The following DNAJC16 variants were observed in gnomAD, a reference collection of about 807,000 sequenced individuals.
The protein encoded by DNAJC16 is dnaJ homolog subfamily C member 16.
DNAJC16 carries 76 observed loss-of-function variants against 92.7 expected under a neutral mutation model. That is an observed-to-expected ratio of 0.82 (90% confidence interval 0.68 to 0.99). DNAJC16 has a LOEUF of 0.99. Among genes scored for constraint, DNAJC16 ranks in the 50% least tolerant of loss-of-function variants. The pLI, the probability that DNAJC16 is intolerant of heterozygous loss-of-function variation, is 0.00. For missense variants in DNAJC16, 869 were observed against 942.4 expected (o/e 0.92, Z 1.02); for synonymous variants, 328 against 358.7 (o/e 0.91, Z 0.97).
At chr1:15,558,171 C>CTT (rs1184997158) in intron 7 of DNAJC16, among the ~76,000 whole-genome samples, 183 of 117,782 alleles carry the variant, frequency 1.6e-3, no homozygotes, top group African/African-American at 5.2e-3. Context: ...ATACCCAGCC[C>CTT]TTTTTTTTTT....
Position 15,536,803 on chromosome 1 carries a change from T to A in DNAJC16, c.563T>A (p.Leu188Gln), listed in dbSNP as rs753437690. 1 of 1,596,450 alleles carries A rather than the reference T, an allele frequency of 6.3e-7. No individual in the cohort carries two copies. The highest frequency in any genetic ancestry group is 2.2e-5 in the East Asian group (1 of 44,728). The change falls in exon 4 of 15, where the codon CTG becomes CAG. Residue 188 changes from leucine (L) to glutamine (Q), a missense_variant. Transcript: ENST00000375847. ...EPVWKEVIQE[L>Q]EELGVGIGVV... ...GTGTGGAAAGAAGTCATTCAAGAAC[T>A]GGAAGAATTGGGTAAGATAATTTTA... is the stretch of plus-strand genomic sequence containing the variant.
chr1:15,551,243 T>G (rs901320679), intron 7 of DNAJC16, among the ~76,000 whole-genome samples: 4 of 152,344 alleles, frequency 2.6e-5, no homozygotes, highest in African/African-American at 9.6e-5. Flanking sequence ...GCATGTCTTT[T>G]TGATGGATTT....
intron 4 of DNAJC16, among the ~76,000 whole-genome samples, chr1:15,540,543 GTCACCCTGGGACT>G (rs1710909896): frequency 6.6e-6 from 1 of 152,030 alleles, no homozygotes; most frequent in Non-Finnish European, 1.5e-5. Context: ...TGCCAACTCT[GTCACCCTGGGACT>G]TCACCTCTCC....
chr1:15,554,796 A>G (rs1032417640), intron 7 of DNAJC16, among the ~76,000 whole-genome samples: 1 of 152,162 alleles, frequency 6.6e-6, no homozygotes, highest in Non-Finnish European at 1.5e-5. Flanking sequence ...AGGCAAAGCT[A>G]TACGGCTTTT....
intron 7 of DNAJC16, among the ~76,000 whole-genome samples, chr1:15,556,029 G>T (rs1638563217): frequency 6.6e-6 from 1 of 150,550 alleles, no homozygotes; most frequent in Non-Finnish European, 1.5e-5. Context: ...GGAGCCGGGT[G>T]CAGTGGCTCA....
intron 14 of DNAJC16, 49 bp from the exon 15 acceptor site, chr1:15,567,729 T>C (rs1638851826): frequency 1.3e-6 from 2 of 1,549,960 alleles, no homozygotes; most frequent in East Asian, 4.5e-5. Context: ...TCTCAGCAAT[T>C]AAATGTGTCA....
In DNAJC16 at chr1:15,567,085, A is replaced by G. The variant is rs772719957; in HGVS notation, c.1779-14A>G. The stretch of plus-strand genomic sequence containing the variant: ...ATCCTGACAGCATCTTAACTCCTCA[A>G]TATTTCTCCACAGCAAGATTCCTAA... On this transcript the variant is annotated splice_polypyrimidine_tract_variant and intron_variant, in intron 13 of 14. Coordinates refer to ENST00000375847, the MANE Select transcript of DNAJC16 (RefSeq NM_015291.4). 29 of 1,603,460 alleles carry G rather than the reference A, an allele frequency of 1.8e-5. No individual in the cohort carries two copies. The highest frequency in any genetic ancestry group is 6.7e-5 in the East Asian group (3 of 44,548).
chr1:15,538,371 GGTGACAGAGCGAGACT>G (rs1710843493), intron 4 of DNAJC16, among the ~76,000 whole-genome samples: 1 of 151,664 alleles, frequency 6.6e-6, no homozygotes, highest in African/African-American at 2.4e-5. Flanking sequence ...CTCCAGCCTG[GGTGACAGAGCGAGACT>G]CTGTCTCAAG....
At chr1:15,539,243 AT>A (rs59004062) in intron 4 of DNAJC16, among the ~76,000 whole-genome samples, 42,728 of 148,110 alleles carry the variant, frequency 0.29, 7,006 homozygotes, top group African/African-American at 0.45. Context: ...TTTTTATTTT[AT>A]TTTTTTTTTT....
rs143181852 is a variant in DNAJC16 at position 15,567,869 on chromosome 1, A to G, written c.2041A>G (p.Ile681Val). Residue 681 changes from isoleucine to valine, a missense_variant, in exon 15 of 15, where the codon ATC becomes GTC. Coordinates refer to ENST00000375847, the MANE Select transcript of DNAJC16 (RefSeq NM_015291.4). The stretch of plus-strand genomic sequence containing the variant: ...AGAATTTGCTCAAGATGCAGCTCCA[A>G]TCCCAAACCAATATGATAAGCATTT... ...LLEFAQDAAP[I>V]PNQYDKHFME... 44 of 1,614,250 alleles carry G rather than the reference A, an allele frequency of 2.7e-5. No individual in the cohort carries two copies. In the African/African-American group the frequency reaches 5.3e-4, roughly 20 times the overall value.
chr1:15,571,299 A>C lies in DNAJC16; in HGVS notation c.*3122A>C, dbSNP rs935956357. On this transcript the variant is annotated 3_prime_UTR_variant, in exon 15 of 15. Transcript: ENST00000375847. Reference sequence around the variant, plus strand: ...TACATAAATATTTTTCTGTTATAAAAAGAAGTGTGATCTGTTTTTTTAGTG... The same window carrying C: ...TACATAAATATTTTTCTGTTATAAACAGAAGTGTGATCTGTTTTTTTAGTG... 1 of 152,314 alleles carries C rather than the reference A, an allele frequency of 6.6e-6. No individual in the cohort carries two copies. 9.4% of individuals were successfully genotyped at this position (152,314 alleles called of 1,614,324 possible). A position where few individuals can be genotyped will look rare whatever the true frequency, so the allele number is the denominator to read the frequency against.
rs184330229 is a variant in DNAJC16, at chr1:15,563,272, T to A, written c.1339-657T>A. 3.6e-3 allele frequency among the ~76,000 whole-genome samples: 553 copies of A among 152,242 alleles called. 1 individual carries two copies. The highest frequency in any genetic ancestry group is 6.0e-3 in the Non-Finnish European group (409 of 68,008). Reference sequence around the variant, plus strand: ...GGCCGAACGCGGTGGCTCACACCTATAATCCCAGCACTTTGGGAGGCCGAG... The same window carrying A: ...GGCCGAACGCGGTGGCTCACACCTAAAATCCCAGCACTTTGGGAGGCCGAG... On this transcript the variant is annotated intron_variant, in intron 9 of 14. Transcript: ENST00000375847.
At chr1:15,562,360 T>C (rs1638710926) in intron 9 of DNAJC16, 35 bp downstream of exon 9, 1 of 1,561,646 alleles carries the variant, frequency 6.4e-7, no homozygotes, top group South Asian at 1.2e-5. Flanking sequence ...CCCAGGCTCT[T>C]CATAACCATG....
chr1:15,540,775 G>A (rs530456160), intron 4 of DNAJC16, among the ~76,000 whole-genome samples: 2 of 152,204 alleles, frequency 1.3e-5, no homozygotes, highest in African/African-American at 4.8e-5. Context: ...GTGTGCGCTC[G>A]GTCTGGTATA....
intron 5 of DNAJC16, 87 bp from the exon 6 acceptor site, chr1:15,546,680 C>T: frequency 9.4e-7 from 1 of 1,066,722 alleles, no homozygotes; most frequent in Non-Finnish European, 1.4e-6. Context: ...TTTACACTTA[C>T]TTGATTTGTT....
intron 13 of DNAJC16, 53 bp from the exon 14 acceptor site, chr1:15,567,046 A>G: frequency 6.5e-7 from 1 of 1,535,462 alleles, no homozygotes; most frequent in South Asian, 1.1e-5. Context: ...TTTCAAAGTA[A>G]CGGCTTTCCC....
intron 4 of DNAJC16, among the ~76,000 whole-genome samples, chr1:15,540,303 G>A (rs1005332883): frequency 1.3e-5 from 2 of 152,018 alleles, no homozygotes; most frequent in African/African-American, 4.8e-5. Context: ...TCTGGCCTGG[G>A]CGACAGAATG....
chr1:15,530,626 C>T (rs1710632249), intron 2 of DNAJC16, among the ~76,000 whole-genome samples: 1 of 152,240 alleles, frequency 6.6e-6, no homozygotes, highest in Non-Finnish European at 1.5e-5. Context: ...ACATGCTAAT[C>T]TCCTGGTTCT....
intron 14 of DNAJC16, 149 bp downstream of exon 14, chr1:15,567,418 C>T: frequency 1.2e-6 from 1 of 817,014 alleles, no homozygotes; most frequent in East Asian, 2.7e-5. Context: ...GACATCTGAG[C>T]CATTGCGACA....
Sources: allele counts gnomAD v4.1 joint callset (sites outside exome capture counted in the v4.1 genomes callset), GRCh38; gene constraint gnomAD v4.1.1; transcripts MANE v1.5; gene names NCBI Gene and HGNC (gene_info 2026-07-23, HGNC 2026-07-21).